SPON1: variants seen among roughly 807,000 people sequenced by gnomAD.
SPON1 encodes spondin 1.
In SPON1, 52 loss-of-function variants were observed where a neutral mutation model predicts 111.7. The observed-to-expected ratio is 0.47, with a 90% confidence interval of 0.37 to 0.59. The LOEUF is 0.59. SPON1 is among the 20% of genes least tolerant of loss of function. The probability of loss-of-function intolerance (pLI) is 0.00; values close to 1 mark genes in which losing one functional copy is unlikely to be tolerated. For synonymous variants in SPON1, 410 were observed against 395.8 expected (o/e 1.04, Z -0.43); for missense variants, 957 against 1,068.5 (o/e 0.90, Z 1.46).
At position 14,160,312 on chromosome 11, in the gene SPON1, C is replaced by G. The variant is rs1192265451; in HGVS notation, c.825+24744C>G. On this transcript the variant is annotated intron_variant, in intron 6 of 15. Transcript: ENST00000576479. ...TGAAAATATCACTAAGTCAAAAATA[C>G]ACTTAATATACCTAAGCTACTGAAC... Among the ~76,000 whole-genome samples the G allele has an allele frequency of 2.9e-5, 4 of 138,618 alleles. No individual in the cohort carries two copies. In the Admixed American group the frequency reaches 3.2e-4, roughly 11 times the overall value. 90.9% of individuals were successfully genotyped at this position (138,618 alleles called of 152,430 possible).
chr11:14,258,689 G>A (rs575691206), intron 11 of SPON1, among the ~76,000 whole-genome samples: 173 of 152,336 alleles, frequency 1.1e-3, no homozygotes, highest in African/African-American at 3.9e-3. Flanking sequence ...CCTAGAGGGA[G>A]GCTCTTAAAC....
chr11:14,053,930 A>G (rs1242543375), intron 3 of SPON1, among the ~76,000 whole-genome samples: 1 of 152,228 alleles, frequency 6.6e-6, no homozygotes, highest in Non-Finnish European at 1.5e-5. Context: ...GAAGGTCCTC[A>G]GTGCTGTGGA....
rs77453758 is a variant in SPON1 at position 14,073,212 on chromosome 11, T to C, written c.480-2133T>C. ...TGTGTTTTACACAAACATTGAGCCA[T>C]CAGAAAGCAAAGGTATCACCACCAC... On this transcript the variant is annotated intron_variant, in intron 3 of 15. Coordinates refer to ENST00000576479, the MANE Select transcript of SPON1 (RefSeq NM_006108.4). Among the ~76,000 whole-genome samples, 1,311 of 152,240 alleles carry C rather than the reference T, an allele frequency of 8.6e-3. 31 individuals carry two copies. Among genetic ancestry groups the C allele is most frequent in the African/African-American group, 0.03 (1,233 of 41,530 alleles).
intron 6 of SPON1, among the ~76,000 whole-genome samples, chr11:14,203,613 G>T (rs1848486145): frequency 6.6e-6 from 1 of 152,190 alleles, no homozygotes; most frequent in Non-Finnish European, 1.5e-5. Context: ...AAACAAATGT[G>T]CAAATTCCAA....
At chr11:14,087,413 A>T (rs1476152111) in intron 5 of SPON1, among the ~76,000 whole-genome samples, 2 of 152,204 alleles carry the variant, frequency 1.3e-5, no homozygotes, top group African/African-American at 4.8e-5. Flanking sequence ...CCCCATAGTC[A>T]TCCAGGAGCA....
At chr11:14,264,111 T>TGA (rs1849228443) in intron 15 of SPON1, among the ~76,000 whole-genome samples, 1 of 150,772 alleles carries the variant, frequency 6.6e-6, no homozygotes, top group Non-Finnish European at 1.5e-5. Flanking sequence ...CCAAAGACCA[T>TGA]GATAGGTCCA....
At chr11:14,000,840 C>A (rs1195722272) in intron 2 of SPON1, among the ~76,000 whole-genome samples, 1 of 152,146 alleles carries the variant, frequency 6.6e-6, no homozygotes, top group African/African-American at 2.4e-5. Context: ...ATTTTAGTGA[C>A]AACATAGCCA....
At chr11:14,024,005 G>GAA (rs61433514) in intron 2 of SPON1, among the ~76,000 whole-genome samples, 2,829 of 145,054 alleles carry the variant, frequency 0.02, 84 homozygotes, top group African/African-American at 0.065. Flanking sequence ...CCATCTCAAA[G>GAA]AAAAAAAAAA....
At position 14,074,258 on chromosome 11, in the gene SPON1, G is replaced by A. The variant is rs79542365; in HGVS notation, c.480-1087G>A. On this transcript the variant is annotated intron_variant, in intron 3 of 15. Coordinates refer to ENST00000576479, the MANE Select transcript of SPON1 (RefSeq NM_006108.4). ...AGACATCTGTAGGATGGTCAGAATT[G>A]TATTATTTTGTGCAAGACTAGATGT... 7.8e-3 allele frequency among the ~76,000 whole-genome samples: 1,188 copies of A among 152,276 alleles called. 7 individuals carry two copies. Among genetic ancestry groups the A allele is most frequent in the African/African-American group, 0.027 (1,110 of 41,542 alleles).
At chr11:14,117,708 A>G (rs11823468) in intron 5 of SPON1, among the ~76,000 whole-genome samples, 3,246 of 152,244 alleles carry the variant, frequency 0.021, 109 homozygotes, top group African/African-American at 0.074. Context: ...ATATAGACTT[A>G]GTTAAATAGA....
At chr11:13,999,857 G>C (rs1848302787) in intron 2 of SPON1, among the ~76,000 whole-genome samples, 1 of 152,156 alleles carries the variant, frequency 6.6e-6, no homozygotes, top group Non-Finnish European at 1.5e-5. Flanking sequence ...TTGGCCCCCA[G>C]CTGGTACCTT....
chr11:14,016,352 G>A (rs1316456296), intron 2 of SPON1, among the ~76,000 whole-genome samples: 7 of 152,234 alleles, frequency 4.6e-5, no homozygotes, highest in African/African-American at 1.4e-4. Flanking sequence ...GTGCAAACGT[G>A]TGAGAAAGTT....
At chr11:14,236,293 A>G (rs1848866410) in intron 6 of SPON1, among the ~76,000 whole-genome samples, 1 of 152,072 alleles carries the variant, frequency 6.6e-6, no homozygotes, top group Admixed American at 6.6e-5. Context: ...TGGAGTTGAC[A>G]GGGTGTGCCG....
intron 6 of SPON1, among the ~76,000 whole-genome samples, chr11:14,191,122 G>T (rs1269205244): frequency 6.6e-6 from 1 of 152,114 alleles, no homozygotes; most frequent in African/African-American, 2.4e-5. Context: ...CAAAAGAAGA[G>T]TGAAATGTTA....
intron 2 of SPON1, among the ~76,000 whole-genome samples, chr11:14,007,303 C>A (rs1848369811): frequency 6.6e-6 from 1 of 152,138 alleles, no homozygotes; most frequent in Non-Finnish European, 1.5e-5. Context: ...AGAATTAACT[C>A]ACACAATCAC....
chr11:14,220,787 G>A (rs553447156), intron 6 of SPON1, among the ~76,000 whole-genome samples: 2 of 152,232 alleles, frequency 1.3e-5, no homozygotes, highest in African/African-American at 4.8e-5. Flanking sequence ...AATAATATCT[G>A]GATCATACTG....
intron 6 of SPON1, among the ~76,000 whole-genome samples, chr11:14,224,067 A>G (rs1353676791): frequency 6.6e-6 from 1 of 152,244 alleles, no homozygotes; most frequent in African/African-American, 2.4e-5. Flanking sequence ...TGAAGACTCT[A>G]GGAGCTGCTG....
At chr11:14,126,523 A>C (rs1847461053) in intron 5 of SPON1, among the ~76,000 whole-genome samples, 1 of 152,190 alleles carries the variant, frequency 6.6e-6, no homozygotes, top group African/African-American at 2.4e-5. Context: ...TACATGTCTA[A>C]TTATTTCTTC....
intron 5 of SPON1, among the ~76,000 whole-genome samples, chr11:14,104,103 C>CT (rs1338910099): frequency 6.6e-6 from 1 of 151,788 alleles, no homozygotes; most frequent in African/African-American, 2.4e-5. Flanking sequence ...ATTAGTAGAC[C>CT]TTTTTAGTGA....
Sources: gnomAD v4.1 joint callset for allele counts (sites outside exome capture counted in the v4.1 genomes callset) on GRCh38, gnomAD v4.1.1 for gene constraint, MANE v1.5 for transcripts, NCBI Gene and HGNC (gene_info 2026-07-23, HGNC 2026-07-21) for gene names.